Variants in FTO observed in about 807,000 individuals in gnomAD.
The protein encoded by FTO is alpha-ketoglutarate-dependent dioxygenase FTO.
FTO carries 47 observed loss-of-function variants against 63.9 expected under a neutral mutation model. That is an observed-to-expected ratio of 0.74 (90% CI 0.58 to 0.94). FTO has a LOEUF of 0.94. Ranked by LOEUF, FTO falls within the 40% of genes least tolerant of loss-of-function variation. FTO has a pLI of 0.00. For synonymous variants in FTO, 207 were observed against 224.4 expected (o/e 0.92, Z 0.69); for missense variants, 562 against 618.1 (o/e 0.91, Z 0.96).
intron 8 of FTO, among the ~76,000 whole-genome samples, chr16:54,010,603 C>T (rs1345390): frequency 0.5 from 75,254 of 151,910 alleles, 20,036 homozygotes; most frequent in African/African-American, 0.68. Context: ...TTGACATCAA[C>T]GTTTTTACCT....
At chr16:53,761,388 C>T (rs1268662774) in intron 1 of FTO, among the ~76,000 whole-genome samples, 1 of 152,102 alleles carries the variant, frequency 6.6e-6, no homozygotes, top group Non-Finnish European at 1.5e-5. Context: ...AGGTGTGAAC[C>T]ACTGCACCCA....
intron 8 of FTO, among the ~76,000 whole-genome samples, chr16:54,060,355 A>C (rs934384368): frequency 3.9e-5 from 6 of 152,238 alleles, no homozygotes; most frequent in African/African-American, 1.4e-4. Flanking sequence ...GCTGGCCCCA[A>C]AATAATAGTG....
chr16:53,963,959 A>G (rs2083142135), intron 8 of FTO, among the ~76,000 whole-genome samples: 1 of 152,070 alleles, frequency 6.6e-6, no homozygotes, highest in African/African-American at 2.4e-5. Flanking sequence ...CACCATGTTG[A>G]CCAGGCTGGT....
At chr16:53,815,901 G>A (rs1225036283) in intron 2 of FTO, among the ~76,000 whole-genome samples, 2 of 151,736 alleles carry the variant, frequency 1.3e-5, no homozygotes, top group African/African-American at 2.4e-5. Context: ...CGCCTGCCTC[G>A]GCCTCCCAAA....
At chr16:53,841,792 T>C (rs2079485919) in intron 3 of FTO, among the ~76,000 whole-genome samples, 3 of 152,216 alleles carry the variant, frequency 2.0e-5, no homozygotes, top group Admixed American at 1.3e-4. Flanking sequence ...GAAAACATGC[T>C]TTATTGTGCA....
At chr16:53,770,640 G>T (rs1425671118) in intron 1 of FTO, among the ~76,000 whole-genome samples, 2 of 152,026 alleles carry the variant, frequency 1.3e-5, no homozygotes, top group Admixed American at 1.3e-4. Context: ...TTCCCCTTTA[G>T]ATTCCCTTTT....
intron 1 of FTO, among the ~76,000 whole-genome samples, chr16:53,795,176 A>T (rs549464262): frequency 1.3e-5 from 2 of 152,342 alleles, no homozygotes; most frequent in South Asian, 4.1e-4. Context: ...AGAAATAATA[A>T]ACTTAATAGA....
At chr16:53,770,760 G>A (rs1192912339) in intron 1 of FTO, among the ~76,000 whole-genome samples, 3 of 152,108 alleles carry the variant, frequency 2.0e-5, no homozygotes, top group African/African-American at 7.2e-5. Flanking sequence ...GCCAGTGCCA[G>A]AGAAGAAAAG....
intron 8 of FTO, among the ~76,000 whole-genome samples, chr16:53,936,807 T>C (rs1049639509): frequency 6.6e-6 from 1 of 152,180 alleles, no homozygotes; most frequent in Non-Finnish European, 1.5e-5. Flanking sequence ...CATTAGAGAG[T>C]GCATTATGAA....
intron 8 of FTO, among the ~76,000 whole-genome samples, chr16:54,051,430 T>C (rs2144332318): frequency 6.6e-6 from 1 of 152,394 alleles, no homozygotes; most frequent in East Asian, 1.9e-4. Context: ...GATTTGAGAC[T>C]GTGATTCTGG....
intron 1 of FTO, among the ~76,000 whole-genome samples, chr16:53,801,869 T>C (rs557620358): frequency 6.6e-6 from 1 of 151,980 alleles, no homozygotes; most frequent in Non-Finnish European, 1.5e-5. Context: ...AAGTGATTAT[T>C]GTGCCTCAGC....
chr16:54,106,857 TTA>T (rs1327985435), intron 8 of FTO, among the ~76,000 whole-genome samples: 3 of 137,820 alleles, frequency 2.2e-5, no homozygotes, highest in African/African-American at 5.3e-5. Flanking sequence ...TATATAATAA[TTA>T]TATATAATAA....
intron 8 of FTO, among the ~76,000 whole-genome samples, chr16:54,011,835 A>G (rs1460516470): frequency 6.6e-6 from 1 of 152,180 alleles, no homozygotes; most frequent in Non-Finnish European, 1.5e-5. Flanking sequence ...ACCCTCATCC[A>G]TATAAGATGG....
At chr16:53,878,177 A>G (rs1289931315) in intron 5 of FTO, among the ~76,000 whole-genome samples, 1 of 152,142 alleles carries the variant, frequency 6.6e-6, no homozygotes. Context: ...GCACATCTTT[A>G]ATCCCAGCTA....
intron 8 of FTO, among the ~76,000 whole-genome samples, chr16:54,057,403 C>T (rs962197901): frequency 1.3e-5 from 2 of 152,200 alleles, no homozygotes; most frequent in Non-Finnish European, 2.9e-5. Flanking sequence ...CTTTCCTCTT[C>T]CCTGGTCTCT....
chr16:54,055,699 A>C (rs1232591540), intron 8 of FTO, among the ~76,000 whole-genome samples: 1 of 152,226 alleles, frequency 6.6e-6, no homozygotes, highest in East Asian at 1.9e-4. Flanking sequence ...CAGAAACAGA[A>C]AAATGTATGC....
Position 53,740,282 on chromosome 16 carries a change from A to AT in FTO, c.45+36061dup, listed in dbSNP as rs1417502225. On this transcript the variant is annotated intron_variant, in intron 1 of 8. Transcript: ENST00000471389. ...AGTTACCTGGGTAGGTGTAGAGTGT[A>AT]TTTTTTTTAAAGAGCAGGACATAGT... 5.3e-5 allele frequency among the ~76,000 whole-genome samples: 8 copies of AT among 151,956 alleles called. No homozygotes were observed. In the South Asian group the frequency reaches 1.2e-3, roughly 24 times the overall value.
intron 8 of FTO, among the ~76,000 whole-genome samples, chr16:53,975,885 A>G (rs1272620971): frequency 1.3e-5 from 2 of 152,120 alleles, no homozygotes; most frequent in East Asian, 1.9e-4. Flanking sequence ...TAGCAACCCT[A>G]TGAGTAGGTG....
At chr16:53,933,423 T>C (rs1230729419) in intron 7 of FTO, among the ~76,000 whole-genome samples, 2 of 152,254 alleles carry the variant, frequency 1.3e-5, no homozygotes, top group African/African-American at 2.4e-5. Flanking sequence ...CTGATTTTTG[T>C]GTTCCCATTT....
Sources: gnomAD v4.1 joint callset for allele counts (sites outside exome capture counted in the v4.1 genomes callset) on GRCh38, gnomAD v4.1.1 for gene constraint, MANE v1.5 for transcripts, NCBI Gene and HGNC (gene_info 2026-07-23, HGNC 2026-07-21) for gene names.